Variants in PEAK1 observed in about 807,000 individuals in gnomAD.
The protein encoded by PEAK1 is inactive tyrosine-protein kinase PEAK1.
Under a neutral mutation model 124.7 loss-of-function variants are expected in PEAK1, and 54 were observed. The observed-to-expected ratio is 0.43, with a 90% CI of 0.35 to 0.54. PEAK1 has a LOEUF of 0.54. PEAK1 is among the 20% of genes least tolerant of loss of function. PEAK1 has a pLI of 0.01. For missense variants in PEAK1, 2,046 were observed against 2,134.5 expected, an observed-to-expected ratio of 0.96 and a Z score of 0.82; for synonymous variants, 719 against 760.0, an observed-to-expected ratio of 0.95 and a Z score of 0.89.
At chr15:77,420,739 T>C (rs2073298312), upstream of PEAK1, 1 of 396,966 alleles carries the variant, frequency 2.5e-6, no homozygotes, top group South Asian at 1.4e-4. Context: ...TTTGTGAAGG[T>C]ACCGTGGAAA....
chr15:77,102,009 A>C (rs1273721147), exon 7 of PEAK1: 1 of 152,228 alleles, frequency 6.6e-6, no homozygotes, highest in Non-Finnish European at 1.5e-5. Context: ...AAAAAGAAAA[A>C]GGCAGAGTAA....
intron 2 of PEAK1, among the ~76,000 whole-genome samples, chr15:77,327,218 A>C (rs1463260623): frequency 6.6e-6 from 1 of 152,146 alleles, no homozygotes; most frequent in Admixed American, 6.5e-5. Context: ...ACATGATGGT[A>C]ATTAGTATAT....
At chr15:77,378,889 A>T (rs2069245547) in intron 1 of PEAK1, among the ~76,000 whole-genome samples, 2 of 152,216 alleles carry the variant, frequency 1.3e-5, no homozygotes, top group South Asian at 4.1e-4. Context: ...TCTTTAGCCA[A>T]GCACAAACAT....
intron 7 of PEAK1, among the ~76,000 whole-genome samples, chr15:77,163,142 C>T (rs1014711384): frequency 4.6e-5 from 7 of 152,300 alleles, no homozygotes; most frequent in East Asian, 1.9e-4. Context: ...GAACCTTCAG[C>T]GTTCCTTCTG....
chr15:77,408,083 A>T (rs1282626041), intron 1 of PEAK1, among the ~76,000 whole-genome samples: 1 of 151,000 alleles, frequency 6.6e-6, no homozygotes, highest in Non-Finnish European at 1.5e-5. Context: ...ACATATATAC[A>T]CATATATACA....
chr15:77,112,384 C>G lies in PEAK1; in HGVS notation c.*1772G>C, dbSNP rs948764881. ...CCACTAATGTGCTATGTAAGTAATA[C>G]TGCACAGTCAGTCTTGGCTTTAAGG... On this transcript the variant is annotated 3_prime_UTR_variant, in exon 10 of 10. Coordinates refer to ENST00000682557, the MANE Select transcript of PEAK1 (RefSeq NM_001385026.1). 6.6e-6 allele frequency: 1 copy of G among 152,206 alleles called. No individual in the cohort carries two copies. Among genetic ancestry groups the G allele is most frequent in the Non-Finnish European group, 1.5e-5 (1 of 68,034 alleles). 9.4% of individuals were successfully genotyped at this position (152,206 alleles called of 1,614,324 possible). A position where few individuals can be genotyped will look rare whatever the true frequency, so the allele number is the denominator to read the frequency against.
At chr15:77,123,400 T>C (rs932311192) in intron 9 of PEAK1, among the ~76,000 whole-genome samples, 3 of 152,184 alleles carry the variant, frequency 2.0e-5, no homozygotes, top group African/African-American at 7.2e-5. Context: ...CAAAAGGCTG[T>C]CATTTTTCCA....
intron 2 of PEAK1, among the ~76,000 whole-genome samples, chr15:77,304,789 T>C (rs1323420694): frequency 2.6e-5 from 4 of 152,076 alleles, no homozygotes; most frequent in Non-Finnish European, 5.9e-5. Context: ...AAATATTTCA[T>C]CTTTGGGAGT....
intron 9 of PEAK1, among the ~76,000 whole-genome samples, chr15:77,123,604 C>T (rs1253929727): frequency 6.6e-6 from 1 of 152,022 alleles, no homozygotes; most frequent in African/African-American, 2.4e-5. Context: ...TGGCTTTAGT[C>T]TACTATGAGG....
intron 2 of PEAK1, among the ~76,000 whole-genome samples, chr15:77,364,404 T>A (rs972049992): frequency 6.6e-6 from 1 of 152,192 alleles, no homozygotes; most frequent in African/African-American, 2.4e-5. Flanking sequence ...TAAATGAGTT[T>A]GTAAAATAAT....
chr15:77,180,043 A>G lies in PEAK1; in HGVS notation c.1884T>C (p.Ile628=). ...TGTCATATGCATTTGGATTGATAAC[A>G]ATGGGAACTTTGATAGCATTTTTGG... The part of the protein sequence containing the change: ...RSSKNAIKVP[I]VINPNAYDNL... Residue 628 remains isoleucine (I), a synonymous_variant, in exon 7 of 10, where the codon ATT becomes ATC. Transcript: ENST00000682557. The G allele has an allele frequency of 1.2e-6, 2 of 1,614,102 alleles. No individual in the cohort carries two copies. The highest frequency in any genetic ancestry group is 2.2e-5 in the South Asian group (2 of 91,086).
chr15:77,137,053 G>A (rs2053394607), intron 8 of PEAK1, among the ~76,000 whole-genome samples: 1 of 152,258 alleles, frequency 6.6e-6, no homozygotes, highest in Admixed American at 6.5e-5. Context: ...GAGGGTGCAA[G>A]CCCCAAGCCT....
intron 5 of PEAK1, among the ~76,000 whole-genome samples, chr15:77,263,438 AC>A (rs2061546918): frequency 1.3e-5 from 2 of 152,236 alleles, no homozygotes; most frequent in Admixed American, 6.5e-5. Flanking sequence ...CACCGATCCC[AC>A]AGAAATACAA....
chr15:77,178,717 A>G (rs898739977), intron 7 of PEAK1, 73 bp downstream of exon 7: 1 of 1,426,580 alleles, frequency 7.0e-7, no homozygotes, highest in Non-Finnish European at 9.5e-7. Context: ...ATGCAATCTT[A>G]AAAGATATAA....
rs116067916 is a variant in PEAK1, at chr15:77,209,724, G to T, written c.-114-27684C>A. ...ATTTTTAAAATTTTTTCTTCACTGG[G>T]TGTGGTAGGCAGAATAATGACCCCA... On this transcript the variant is annotated intron_variant, in intron 6 of 9. Transcript: ENST00000682557. 7.3e-3 allele frequency among the ~76,000 whole-genome samples: 1,111 copies of T among 152,164 alleles called. 15 individuals are homozygous for T. Among genetic ancestry groups the T allele is most frequent in the African/African-American group, 0.025 (1,055 of 41,480 alleles).
At chr15:77,223,553 G>C (rs965838018) in intron 6 of PEAK1, among the ~76,000 whole-genome samples, 19 of 151,986 alleles carry the variant, frequency 1.3e-4, no homozygotes, top group Admixed American at 2.6e-4. Context: ...CTAATACTGT[G>C]GCTAGTGGAA....
intron 6 of PEAK1, among the ~76,000 whole-genome samples, chr15:77,237,659 A>C (rs1161366355): frequency 6.6e-6 from 1 of 151,952 alleles, no homozygotes; most frequent in African/African-American, 2.4e-5. Flanking sequence ...TTGTTCTGTC[A>C]ACTTCTGAAA....
rs145442015 is a variant in PEAK1 at position 77,109,878 on chromosome 15, A to G, written c.*4278T>C. On this transcript the variant is annotated 3_prime_UTR_variant, in exon 10 of 10. Transcript: ENST00000682557. ...TTCATACTATATTTACACATCTAGA[A>G]TCATTTGAAATATAGTGTAGTATCC... 1.1e-4 allele frequency: 16 copies of G among 152,316 alleles called. No individual in the cohort carries two copies. Among genetic ancestry groups the G allele is most frequent in the African/African-American group, 3.8e-4 (16 of 41,568 alleles). The allele number at this position is 152,316 out of a possible 1,614,324, so 9.4% of individuals were successfully genotyped here.
rs142668914 is a variant in PEAK1 at position 77,193,647 on chromosome 15, T to C, written c.-114-11607A>G. On this transcript the variant is annotated intron_variant, in intron 6 of 9. Transcript: ENST00000682557. ...GGCGAAACCCCGTCTCTACTAAAAA[T>C]ACAAAAATTAGCTGTGCACAGTGGT... 7.3e-3 allele frequency among the ~76,000 whole-genome samples: 1,112 copies of C among 152,194 alleles called. 15 individuals carry two copies. Among genetic ancestry groups the C allele is most frequent in the African/African-American group, 0.025 (1,056 of 41,516 alleles).
Sources: allele counts gnomAD v4.1 joint callset (sites outside exome capture counted in the v4.1 genomes callset), GRCh38; gene constraint gnomAD v4.1.1; transcripts MANE v1.5; gene names NCBI Gene and HGNC (gene_info 2026-07-23, HGNC 2026-07-21).